PGM1: variants seen among roughly 807,000 people sequenced by gnomAD.
PGM1 encodes phosphoglucomutase-1.
In PGM1, 52 loss-of-function variants were observed where a neutral mutation model predicts 55.6. That is an observed-to-expected ratio of 0.94 (90% confidence interval 0.75 to 1.18). The LOEUF is 1.18. Ranked by LOEUF, PGM1 falls within the 50% of genes most tolerant of loss-of-function variation. PGM1 has a pLI of 0.00. For missense variants in PGM1, 724 were observed against 729.3 expected, an observed-to-expected ratio of 0.99 and a Z score of 0.08; for synonymous variants, 287 against 271.7, an observed-to-expected ratio of 1.06 and a Z score of -0.55.
intron 1 of PGM1, 87 bp downstream of exon 1, chr1:63,593,821 C>T (rs1287267392): frequency 1.5e-6 from 2 of 1,333,900 alleles, no homozygotes; most frequent in East Asian, 3.2e-5. Context: ...TCGGGGCCGG[C>T]CGCTTCCGCG....
At position 63,634,910 on chromosome 1, in the gene PGM1, A is replaced by G; in HGVS notation, c.764A>G (p.Glu255Gly). 6.2e-7 allele frequency: 1 copy of G among 1,613,774 alleles called. No individual in the cohort carries two copies. The highest frequency in any genetic ancestry group is 1.3e-5 in the African/African-American group (1 of 74,978). ...TCGGCAGTTAACTGCGTTCCTCTGG[A>G]GGACTTTGGAGGCCACCACCCTGAC... is the stretch of plus-strand genomic sequence containing the variant. ...ANSAVNCVPL[E>G]DFGGHHPDPN... Residue 255 changes from glutamate (E) to glycine (G), a missense_variant, in exon 5 of 11, where the codon GAG becomes GGG. Glu to Gly is a moderately conservative substitution (Grantham distance 98). This residue lies in a region of PGM1 where 379 missense variants were observed against 357.5 expected (regional missense o/e 1.06). Transcript: ENST00000371084.
intron 5 of PGM1, among the ~76,000 whole-genome samples, chr1:63,635,342 A>G (rs1471000340): frequency 6.6e-6 from 1 of 152,128 alleles, no homozygotes; most frequent in African/African-American, 2.4e-5. Flanking sequence ...TCTGCTCTCA[A>G]CCAGCAGCTG....
chr1:63,636,794 G>T (rs1316736025), intron 6 of PGM1, among the ~76,000 whole-genome samples: 2 of 152,224 alleles, frequency 1.3e-5, no homozygotes, highest in Non-Finnish European at 2.9e-5. Flanking sequence ...GAATAGTTGA[G>T]TGTTAATGAA....
intron 1 of PGM1, among the ~76,000 whole-genome samples, chr1:63,598,178 T>C (rs945036396): frequency 6.6e-6 from 1 of 152,188 alleles, no homozygotes; most frequent in African/African-American, 2.4e-5. Flanking sequence ...TTCACCAAGT[T>C]GCCCAGGCTG....
intron 1 of PGM1, among the ~76,000 whole-genome samples, chr1:63,620,300 C>T (rs768361250): frequency 4.4e-4 from 67 of 152,150 alleles, no homozygotes; most frequent in African/African-American, 7.7e-4. Flanking sequence ...AATGAATAAC[C>T]GTTTTCCACT....
intron 1 of PGM1, among the ~76,000 whole-genome samples, chr1:63,618,875 C>T (rs1648813124): frequency 6.6e-6 from 1 of 152,108 alleles, no homozygotes; most frequent in African/African-American, 2.4e-5. Flanking sequence ...ATTCATCTAA[C>T]CTATTTTCTG....
At chr1:63,601,514 A>G (rs559678945) in intron 1 of PGM1, among the ~76,000 whole-genome samples, 1 of 152,182 alleles carries the variant, frequency 6.6e-6, no homozygotes, top group African/African-American at 2.4e-5. Flanking sequence ...TGAGGCCCAC[A>G]CAGACATAGC....
At chr1:63,615,550 CTTTTTTTTTTTTTTT>C (rs1161161385) in intron 1 of PGM1, among the ~76,000 whole-genome samples, 7 of 62,986 alleles carry the variant, frequency 1.1e-4, no homozygotes, top group East Asian at 6.2e-4. Flanking sequence ...TCTTCTTCTT[CTTTTTTTTTTTTTTT>C]TTTTTTTTTT....
At chr1:63,655,315 G>C (rs1266170147) in intron 10 of PGM1, among the ~76,000 whole-genome samples, 1 of 152,072 alleles carries the variant, frequency 6.6e-6, no homozygotes, top group African/African-American at 2.4e-5. Flanking sequence ...CCCTCATCTG[G>C]TGTTCTGCTC....
At chr1:63,608,963 A>C (rs1292871835) in intron 1 of PGM1, among the ~76,000 whole-genome samples, 1 of 152,234 alleles carries the variant, frequency 6.6e-6, no homozygotes, top group East Asian at 1.9e-4. Context: ...TGGTTAGTAA[A>C]GAGAAGATTC....
At chr1:63,637,692 G>A (rs919917550) in intron 6 of PGM1, among the ~76,000 whole-genome samples, 1 of 152,166 alleles carries the variant, frequency 6.6e-6, no homozygotes, top group African/African-American at 2.4e-5. Flanking sequence ...GAGCTGGTTT[G>A]AGGTCACACT....
chr1:63,627,599 T>C (rs754284967), intron 1 of PGM1, among the ~76,000 whole-genome samples: 1 of 152,060 alleles, frequency 6.6e-6, no homozygotes. Context: ...TGCTTCTATC[T>C]CTCAACTTTC....
Position 63,648,510 on chromosome 1 carries a change from C to G in PGM1, c.1145-7C>G, listed in dbSNP as rs72922609. Reference sequence around the variant, plus strand: ...TTTCTTACAGCAGCTTGCTGTCCCCCCTCCAGGTTCTGACCACATCCGTGA... The same window carrying G: ...TTTCTTACAGCAGCTTGCTGTCCCCGCTCCAGGTTCTGACCACATCCGTGA... On this transcript the variant is annotated splice_polypyrimidine_tract_variant and splice_region_variant and intron_variant, in intron 7 of 10. Transcript: ENST00000371084. 12,257 of 1,614,016 alleles carry G rather than the reference C, an allele frequency of 7.6e-3. 782 individuals carry two copies. The African/African-American group carries it at 0.14, about 19-fold the overall frequency.
At chr1:63,654,489 G>A (rs894793052) in intron 10 of PGM1, 23 bp downstream of exon 10, 2 of 1,612,884 alleles carry the variant, frequency 1.2e-6, no homozygotes, top group African/African-American at 2.7e-5. Context: ...CCTGTGCCCT[G>A]GTTAGTTCTT....
chr1:63,633,739 C>T (rs1208670930), intron 4 of PGM1, among the ~76,000 whole-genome samples: 1 of 150,810 alleles, frequency 6.6e-6, no homozygotes, highest in Non-Finnish European at 1.5e-5. Context: ...GCAATCTCAG[C>T]TCACTGTAAC....
At chr1:63,638,532 T>C (rs2100990442) in intron 6 of PGM1, among the ~76,000 whole-genome samples, 153 bp from the exon 7 acceptor site, 1 of 152,346 alleles carries the variant, frequency 6.6e-6, no homozygotes, top group Middle Eastern at 3.4e-3. Context: ...ACAAGGTTTC[T>C]CTTATGATTT....
At chr1:63,604,224 T>G (rs1320643312) in intron 1 of PGM1, among the ~76,000 whole-genome samples, 3 of 152,200 alleles carry the variant, frequency 2.0e-5, no homozygotes, top group Non-Finnish European at 4.4e-5. Flanking sequence ...TTTTATAGGT[T>G]CAATCAGCTG....
At chr1:63,615,564 T>C (rs1171525769) in intron 1 of PGM1, among the ~76,000 whole-genome samples, 10 of 130,606 alleles carry the variant, frequency 7.7e-5, no homozygotes, top group African/African-American at 3.0e-4. Flanking sequence ...TTTTTTTTTT[T>C]TTTTTTTTTT....
intron 6 of PGM1, among the ~76,000 whole-genome samples, chr1:63,638,471 ATTC>A (rs1649420221): frequency 6.6e-6 from 1 of 152,190 alleles, no homozygotes; most frequent in South Asian, 2.1e-4. Context: ...ATCTGAATTA[ATTC>A]TTTCTTCTTC....
Sources: allele counts gnomAD v4.1 joint callset (sites outside exome capture counted in the v4.1 genomes callset), GRCh38; gene constraint gnomAD v4.1.1; regional missense constraint gnomAD v4.1.1; transcripts MANE v1.5; gene names NCBI Gene and HGNC (gene_info 2026-07-23, HGNC 2026-07-21).